The following ULK4 variants were observed in gnomAD, a reference collection of about 807,000 sequenced individuals.
ULK4 encodes unc-51 like kinase 4, also known as inactive serine/threonine-protein kinase ULK4.
ULK4 carries 133 observed loss-of-function variants against 160.6 expected under a neutral mutation model. The ratio of observed to expected loss-of-function variants is 0.83; its 90% CI spans 0.72 to 0.96. The LOEUF is 0.96. Ranked by LOEUF, ULK4 falls within the 40% of genes least tolerant of loss-of-function variation. The probability of loss-of-function intolerance (pLI) is 0.00; values close to 1 mark genes in which losing one functional copy is unlikely to be tolerated. For synonymous variants in ULK4, 534 were observed against 539.8 expected, an observed-to-expected ratio of 0.99 and a Z score of 0.15; for missense variants, 1,580 against 1,499.5, an observed-to-expected ratio of 1.05 and a Z score of -0.89.
intron 22 of ULK4, among the ~76,000 whole-genome samples, chr3:41,733,494 C>T (rs2037904977): frequency 6.6e-6 from 1 of 151,930 alleles, no homozygotes; most frequent in African/African-American, 2.4e-5. Flanking sequence ...TGCAAGAATG[C>T]AGACTTCCAA....
chr3:41,692,399 A>C (rs1026967873), intron 27 of ULK4, among the ~76,000 whole-genome samples: 3 of 152,080 alleles, frequency 2.0e-5, no homozygotes, highest in Admixed American at 6.6e-5. Flanking sequence ...TGAATCATTG[A>C]GACAATAGAC....
At chr3:41,706,445 T>C (rs1245953485) in intron 25 of ULK4, among the ~76,000 whole-genome samples, 1 of 147,968 alleles carries the variant, frequency 6.8e-6, no homozygotes, top group African/African-American at 2.5e-5. Flanking sequence ...TATATTATTT[T>C]ATATATGGTA....
chr3:41,430,002 G>A (rs747445865), intron 34 of ULK4, among the ~76,000 whole-genome samples: 1 of 152,092 alleles, frequency 6.6e-6, no homozygotes, highest in Non-Finnish European at 1.5e-5. Context: ...AAAAATACAT[G>A]AAATCCTCTT....
intron 22 of ULK4, among the ~76,000 whole-genome samples, chr3:41,723,885 G>A (rs757625650): frequency 3.3e-5 from 5 of 152,208 alleles, no homozygotes; most frequent in Non-Finnish European, 5.9e-5. Flanking sequence ...GCATGTGACT[G>A]GAACACTCTG....
chr3:41,721,170 G>A (rs925203005), intron 22 of ULK4, among the ~76,000 whole-genome samples: 2 of 148,716 alleles, frequency 1.3e-5, no homozygotes, highest in Non-Finnish European at 3.0e-5. Flanking sequence ...AAAATCCAGA[G>A]GGATAAATAA....
chr3:41,802,890 G>A (rs1196001307), intron 19 of ULK4, among the ~76,000 whole-genome samples: 16 of 152,164 alleles, frequency 1.1e-4, no homozygotes, highest in Admixed American at 9.2e-4. Flanking sequence ...GTATAGGCTG[G>A]GCGCAGTGGC....
At chr3:41,664,936 G>A (rs2035307194) in intron 29 of ULK4, among the ~76,000 whole-genome samples, 1 of 152,072 alleles carries the variant, frequency 6.6e-6, no homozygotes, top group African/African-American at 2.4e-5. Context: ...GGCAGAGGCT[G>A]GTTTATGTAC....
chr3:41,442,299 T>C (rs1218057810), intron 34 of ULK4, among the ~76,000 whole-genome samples: 1 of 152,134 alleles, frequency 6.6e-6, no homozygotes, highest in African/African-American at 2.4e-5. Flanking sequence ...GGACTTAAAA[T>C]GTTTTGTGAT....
rs374878352 is a variant in ULK4 at position 41,924,406 on chromosome 3, C to T, written c.542-4588G>A. On this transcript the variant is annotated intron_variant, in intron 5 of 36. Transcript: ENST00000301831. ...AGGGCTGATTCTGCCCTGCTGGTTA[C>T]GAAAGCGTCCTCTCCCCTGGCCAAA... Among the ~76,000 whole-genome samples, 32 of 152,190 alleles carry T rather than the reference C, an allele frequency of 2.1e-4. No homozygotes were observed. In the East Asian group the frequency reaches 2.1e-3, roughly 10 times the overall value.
chr3:41,522,129 C>CTTTTTTTTT (rs57720185), intron 32 of ULK4, among the ~76,000 whole-genome samples: 16 of 135,950 alleles, frequency 1.2e-4, no homozygotes, highest in African/African-American at 1.9e-4. Flanking sequence ...TCTTTTTTTT[C>CTTTTTTTTT]TTTTTTTTTT....
At chr3:41,641,918 C>G (rs2034218463) in intron 30 of ULK4, among the ~76,000 whole-genome samples, 1 of 149,952 alleles carries the variant, frequency 6.7e-6, no homozygotes, top group Admixed American at 6.6e-5. Context: ...TCTTGCTGCC[C>G]AGGCTGGAGT....
chr3:41,635,293 T>A (rs1249513583), intron 30 of ULK4, among the ~76,000 whole-genome samples: 1 of 151,852 alleles, frequency 6.6e-6, no homozygotes, highest in Non-Finnish European at 1.5e-5. Flanking sequence ...AACCTTAAGA[T>A]GGATTATGGA....
At chr3:41,507,550 T>C (rs181282281) in intron 32 of ULK4, among the ~76,000 whole-genome samples, 15 of 139,596 alleles carry the variant, frequency 1.1e-4, no homozygotes, top group Middle Eastern at 4.4e-3. Context: ...CCACAAACCA[T>C]TGGGGAAAAC....
chr3:41,348,647 C>T (rs145424365), intron 35 of ULK4, among the ~76,000 whole-genome samples: 5 of 151,778 alleles, frequency 3.3e-5, no homozygotes, highest in East Asian at 2.0e-4. Context: ...CCCAGTAAAA[C>T]GCGAGTAAAT....
intron 31 of ULK4, among the ~76,000 whole-genome samples, chr3:41,569,577 C>G (rs778920171): frequency 1.3e-5 from 2 of 152,092 alleles, no homozygotes; most frequent in Non-Finnish European, 2.9e-5. Context: ...GTCTATTTTC[C>G]TAGAAAACCA....
intron 30 of ULK4, among the ~76,000 whole-genome samples, chr3:41,624,062 T>A (rs1386447049): frequency 6.6e-6 from 1 of 152,226 alleles, no homozygotes; most frequent in Non-Finnish European, 1.5e-5. Flanking sequence ...AATGTTAAGT[T>A]CATTTATATT....
Position 41,858,509 on chromosome 3 carries a change from A to AT in ULK4, c.1657-22539dup, listed in dbSNP as rs552326948. Among the ~76,000 whole-genome samples, 978 of 124,498 alleles carry AT rather than the reference A, an allele frequency of 7.9e-3. 4 individuals are homozygous for AT. The highest frequency in any genetic ancestry group is 0.016 in the East Asian group (69 of 4,290). 81.7% of individuals were successfully genotyped at this position (124,498 alleles called of 152,430 possible). A position where few individuals can be genotyped will look rare whatever the true frequency, so the allele number is the denominator to read the frequency against. ...ATCATTTGTTTCCAGAAATTTTTCA[A>AT]TTTTTTTTTTTTTTTTTTTTGAAAC... On this transcript the variant is annotated intron_variant, in intron 17 of 36. Coordinates refer to ENST00000301831, the MANE Select transcript of ULK4 (RefSeq NM_017886.4).
At chr3:41,472,002 C>A (rs2084006653) in intron 32 of ULK4, among the ~76,000 whole-genome samples, 1 of 144,522 alleles carries the variant, frequency 6.9e-6, no homozygotes, top group African/African-American at 2.5e-5. Flanking sequence ...AATATCAGAG[C>A]AGAAAACAAT....
intron 21 of ULK4, chr3:41,766,814 A>T (rs1035304294): frequency 3.3e-5 from 5 of 152,262 alleles, no homozygotes; most frequent in African/African-American, 1.2e-4. Flanking sequence ...ACACACATGT[A>T]GCCATGAGGG....
Sources: allele counts gnomAD v4.1 joint callset (sites outside exome capture counted in the v4.1 genomes callset), GRCh38; gene constraint gnomAD v4.1.1; transcripts MANE v1.5; gene names NCBI Gene and HGNC (gene_info 2026-07-23, HGNC 2026-07-21).